Variants in MAML3 observed in about 807,000 individuals in gnomAD.
MAML3 encodes the protein mastermind like transcriptional coactivator 3.
In MAML3, 27 loss-of-function variants were observed where a neutral mutation model predicts 101.9. That is an observed-to-expected ratio of 0.27 (90% confidence interval 0.20 to 0.37). The LOEUF is 0.37. Among genes scored for constraint, MAML3 ranks in the 10% least tolerant of loss-of-function variants. MAML3 has a pLI of 1.00. For synonymous variants in MAML3, 501 were observed against 555.9 expected, an observed-to-expected ratio of 0.90 and a Z score of 1.39; for missense variants, 1,316 against 1,444.9, an observed-to-expected ratio of 0.91 and a Z score of 1.45.
At chr4:140,027,299 T>C (rs1726842241) in intron 1 of MAML3, among the ~76,000 whole-genome samples, 1 of 152,384 alleles carries the variant, frequency 6.6e-6, no homozygotes, top group East Asian at 1.9e-4. Context: ...TCCTGACTGT[T>C]CTCTTTAGAA....
At chr4:139,809,661 A>G (rs1730759560) in intron 2 of MAML3, among the ~76,000 whole-genome samples, 1 of 152,126 alleles carries the variant, frequency 6.6e-6, no homozygotes, top group African/African-American at 2.4e-5. Flanking sequence ...CACGGAAACC[A>G]TATGTGTTCT....
At chr4:139,974,248 G>GGCGCCCACCACC (rs1324501751) in intron 1 of MAML3, among the ~76,000 whole-genome samples, 1 of 151,866 alleles carries the variant, frequency 6.6e-6, no homozygotes, top group Non-Finnish European at 1.5e-5. Context: ...TGGGATTACA[G>GGCGCCCACCACC]GCGCCCACCA....
chr4:139,741,375 A>G (rs1186151453), intron 2 of MAML3, among the ~76,000 whole-genome samples: 2 of 152,166 alleles, frequency 1.3e-5, no homozygotes, highest in East Asian at 1.9e-4. Context: ...ATTTTTAGAC[A>G]TATTCTTCGA....
chr4:139,798,269 G>GA (rs777746084), intron 2 of MAML3, among the ~76,000 whole-genome samples: 10 of 152,128 alleles, frequency 6.6e-5, no homozygotes, highest in Admixed American at 6.5e-5. Context: ...GGAATGAATG[G>GA]TAACTATTAG....
intron 1 of MAML3, among the ~76,000 whole-genome samples, chr4:140,120,169 G>A (rs1181150274): frequency 1.3e-5 from 2 of 151,374 alleles, no homozygotes; most frequent in African/African-American, 4.9e-5. Flanking sequence ...CCCGGGAGGC[G>A]GAGCTTGCAG....
At chr4:140,131,061 C>A (rs1728785493) in intron 1 of MAML3, among the ~76,000 whole-genome samples, 1 of 152,088 alleles carries the variant, frequency 6.6e-6, no homozygotes, top group South Asian at 2.1e-4. Context: ...GGGGCATGCA[C>A]ATACACATTC....
At chr4:139,761,393 C>T (rs1478385554) in intron 2 of MAML3, among the ~76,000 whole-genome samples, 2 of 151,838 alleles carry the variant, frequency 1.3e-5, no homozygotes, top group African/African-American at 4.8e-5. Flanking sequence ...CTGGAGGGGG[C>T]GTTAGGGGAA....
chr4:139,902,338 A>G (rs970994767), intron 1 of MAML3, among the ~76,000 whole-genome samples: 1 of 152,160 alleles, frequency 6.6e-6, no homozygotes, highest in Non-Finnish European at 1.5e-5. Flanking sequence ...TCTAGACAGC[A>G]TCTGACTCCC....
intron 1 of MAML3, among the ~76,000 whole-genome samples, chr4:139,983,103 C>T (rs1181892992): frequency 6.6e-6 from 1 of 152,158 alleles, no homozygotes; most frequent in Non-Finnish European, 1.5e-5. Flanking sequence ...CCTCTGACCT[C>T]CTAAATATTT....
At chr4:140,091,833 C>A (rs1728057184) in intron 1 of MAML3, among the ~76,000 whole-genome samples, 1 of 151,956 alleles carries the variant, frequency 6.6e-6, no homozygotes, top group Non-Finnish European at 1.5e-5. Context: ...AGGCTAGCAA[C>A]CTTCCTCTCT....
At chr4:139,989,810 G>A (rs7696858) in intron 1 of MAML3, among the ~76,000 whole-genome samples, 75,402 of 150,048 alleles carry the variant, frequency 0.5, 19,350 homozygotes, top group East Asian at 0.65. Context: ...CTCTGCCCTT[G>A]GTACCACTGC....
intron 1 of MAML3, among the ~76,000 whole-genome samples, chr4:140,101,499 G>A (rs900994814): frequency 7.2e-5 from 11 of 152,126 alleles, no homozygotes; most frequent in African/African-American, 2.7e-4. Flanking sequence ...AACAGATATT[G>A]GGGCAAATGT....
chr4:139,742,230 C>A (rs1729194004), intron 2 of MAML3, among the ~76,000 whole-genome samples: 1 of 151,760 alleles, frequency 6.6e-6, no homozygotes, highest in South Asian at 2.1e-4. Flanking sequence ...CTCACTGCAA[C>A]CTCCGCCTCC....
intron 1 of MAML3, among the ~76,000 whole-genome samples, chr4:140,069,360 GAGAAGAAGA>G (rs1343566107): frequency 8.9e-5 from 3 of 33,752 alleles, no homozygotes; most frequent in Admixed American, 3.6e-4. Context: ...GAAGGAGAAG[GAGAAGAAGA>G]AGAAGAAGAA....
At chr4:139,909,303 T>G (rs1006127426) in intron 1 of MAML3, among the ~76,000 whole-genome samples, 4 of 152,230 alleles carry the variant, frequency 2.6e-5, no homozygotes, top group African/African-American at 9.6e-5. Flanking sequence ...CTCAGCCCTC[T>G]GCAGTGGTGA....
At position 139,719,131 on chromosome 4, in the gene MAML3, G is replaced by A. The variant is rs1307257917; in HGVS notation, c.*192C>T. On this transcript the variant is annotated 3_prime_UTR_variant, in exon 5 of 5. Transcript: ENST00000509479. The stretch of plus-strand genomic sequence containing the variant: ...CATGGCGTCTCATCTCGATTGCTGT[G>A]TGAAAATCAGGTGAAATGAGGCCTG... The A allele has an allele frequency of 3.3e-6, 2 of 612,236 alleles. No individual in the cohort carries two copies. Among genetic ancestry groups the A allele is most frequent in the Non-Finnish European group, 5.5e-6 (2 of 366,096 alleles). The allele number at this position is 612,236 out of a possible 1,614,324, so 37.9% of individuals were successfully genotyped here.
At chr4:139,778,359 G>A (rs1730129941) in intron 2 of MAML3, among the ~76,000 whole-genome samples, 1 of 152,178 alleles carries the variant, frequency 6.6e-6, no homozygotes, top group South Asian at 2.1e-4. Flanking sequence ...TCCCAGAGAA[G>A]AGTAAAACCC....
At chr4:139,874,796 C>G (rs1231728494) in intron 2 of MAML3, among the ~76,000 whole-genome samples, 1 of 140,072 alleles carries the variant, frequency 7.1e-6, no homozygotes, top group East Asian at 2.2e-4. Flanking sequence ...TTATCATCCC[C>G]TATCTTTCCT....
At chr4:139,864,503 C>A (rs1200020493) in intron 2 of MAML3, among the ~76,000 whole-genome samples, 4 of 151,908 alleles carry the variant, frequency 2.6e-5, no homozygotes, top group African/African-American at 4.8e-5. Context: ...ACGGTGAAAC[C>A]TGTCTCTACT....
Sources: gnomAD v4.1 joint callset for allele counts (sites outside exome capture counted in the v4.1 genomes callset) on GRCh38, gnomAD v4.1.1 for gene constraint, MANE v1.5 for transcripts, NCBI Gene and HGNC (gene_info 2026-07-23, HGNC 2026-07-21) for gene names.